Variants in PTPRD observed in about 807,000 individuals in gnomAD.
PTPRD encodes the protein protein tyrosine phosphatase receptor type D.
PTPRD carries 34 observed loss-of-function variants against 214.5 expected under a neutral mutation model. The observed-to-expected ratio is 0.16, with a 90% CI of 0.12 to 0.21. The LOEUF is 0.21. Among genes scored for constraint, PTPRD ranks in the 10% least tolerant of loss-of-function variants. The pLI is 1.00. For missense variants in PTPRD, 2,545 were observed against 2,398.7 expected, an observed-to-expected ratio of 1.06 and a Z score of -1.27; for synonymous variants, 1,128 against 845.7, an observed-to-expected ratio of 1.33 and a Z score of -5.79.
At chr9:9,878,079 G>A (rs937372857) in intron 5 of PTPRD, among the ~76,000 whole-genome samples, 2 of 151,426 alleles carry the variant, frequency 1.3e-5, no homozygotes, top group African/African-American at 4.9e-5. Context: ...ATCAGATAAA[G>A]GACCCTGCCA....
intron 9 of PTPRD, among the ~76,000 whole-genome samples, chr9:9,292,122 T>C (rs149941309): frequency 4.8e-4 from 73 of 151,338 alleles, no homozygotes; most frequent in African/African-American, 1.7e-3. Flanking sequence ...AAAAATATAG[T>C]GACATGGAAG....
At chr9:8,573,381 T>A (rs1298555416) in intron 14 of PTPRD, among the ~76,000 whole-genome samples, 1 of 151,962 alleles carries the variant, frequency 6.6e-6, no homozygotes, top group Admixed American at 6.6e-5. Flanking sequence ...TAATCTATAA[T>A]AGAACACTGC....
intron 45 of PTPRD, among the ~76,000 whole-genome samples, chr9:8,318,450 T>G (rs1823726390): frequency 6.6e-6 from 1 of 151,998 alleles, no homozygotes; most frequent in Non-Finnish European, 1.5e-5. Flanking sequence ...TTTAAAAAAT[T>G]ATGTTTGGAC....
At chr9:10,212,985 C>A (rs2099524070) in intron 3 of PTPRD, among the ~76,000 whole-genome samples, 1 of 152,100 alleles carries the variant, frequency 6.6e-6, no homozygotes, top group Admixed American at 6.6e-5. Context: ...CCTTAATCTA[C>A]CATTTTCTAA....
intron 9 of PTPRD, among the ~76,000 whole-genome samples, chr9:9,282,256 A>G (rs1427549975): frequency 1.3e-5 from 2 of 151,402 alleles, no homozygotes; most frequent in East Asian, 2.0e-4. Flanking sequence ...ATGTAGGCTC[A>G]TTGATGCTAC....
intron 3 of PTPRD, among the ~76,000 whole-genome samples, chr9:10,152,148 T>C (rs1487691003): frequency 6.6e-6 from 1 of 152,206 alleles, no homozygotes; most frequent in Non-Finnish European, 1.5e-5. Flanking sequence ...ATTTTTTGCA[T>C]TCCCACAAGC....
intron 8 of PTPRD, among the ~76,000 whole-genome samples, chr9:9,402,565 TA>T (rs2141420580): frequency 6.6e-6 from 1 of 152,200 alleles, no homozygotes; most frequent in Admixed American, 6.6e-5. Context: ...CTCAAATCCA[TA>T]GTTATAAAAC....
intron 11 of PTPRD, among the ~76,000 whole-genome samples, chr9:8,822,088 T>C (rs968328370): frequency 2.0e-5 from 3 of 152,168 alleles, no homozygotes; most frequent in African/African-American, 4.8e-5. Flanking sequence ...ACATTTTTAG[T>C]GGTTTTGGTT....
chr9:9,310,423 T>A (rs559067452), intron 9 of PTPRD, among the ~76,000 whole-genome samples: 1 of 152,224 alleles, frequency 6.6e-6, no homozygotes, highest in South Asian at 2.1e-4. Context: ...ACCCATTCTC[T>A]CTTCACTGGC....
At chr9:8,690,725 A>T (rs2097785292) in intron 12 of PTPRD, among the ~76,000 whole-genome samples, 1 of 152,150 alleles carries the variant, frequency 6.6e-6, no homozygotes. Context: ...GAAAAGACAT[A>T]AAAAATATTA....
At chr9:9,659,986 T>A (rs997765417) in intron 7 of PTPRD, among the ~76,000 whole-genome samples, 1 of 152,200 alleles carries the variant, frequency 6.6e-6, no homozygotes, top group Middle Eastern at 3.4e-3. Flanking sequence ...TAAATGAATT[T>A]CCCTTGTATA....
intron 2 of PTPRD, among the ~76,000 whole-genome samples, chr9:10,499,183 C>G (rs1403494003): frequency 2.6e-5 from 4 of 151,922 alleles, no homozygotes; most frequent in Non-Finnish European, 4.4e-5. Context: ...CCAGCTACCA[C>G]TAGATTTATC....
chr9:8,892,283 C>T (rs939549970), intron 11 of PTPRD, among the ~76,000 whole-genome samples: 8 of 152,038 alleles, frequency 5.3e-5, no homozygotes, highest in African/African-American at 7.2e-5. Context: ...CCATTTGTGC[C>T]GATGGATATG....
intron 11 of PTPRD, among the ~76,000 whole-genome samples, chr9:8,938,229 A>G (rs1290900716): frequency 6.6e-6 from 1 of 151,894 alleles, no homozygotes; most frequent in East Asian, 1.9e-4. Flanking sequence ...GGAGTTGGCA[A>G]TTGATTGGAT....
Position 8,321,520 on chromosome 9 carries a change from TATATATAA to T in PTPRD, c.5535-1562_5535-1555del, listed in dbSNP as rs1240915599. On this transcript the variant is annotated intron_variant, in intron 44 of 45. Transcript: ENST00000381196. Reference sequence around the variant, plus strand: ...ATATATATATATATATATATATATATATATATAAAAGGTATATGCATCGCAATTCCTTT... The same window carrying T: ...ATATATATATATATATATATATATATAAGGTATATGCATCGCAATTCCTTT... Among the ~76,000 whole-genome samples the T allele has an allele frequency of 6.2e-4, 82 of 132,102 alleles. 1 individual carries two copies. The highest frequency in any genetic ancestry group is 2.0e-3 in the Admixed American group (26 of 13,206). 86.7% of individuals were successfully genotyped at this position (132,102 alleles called of 152,430 possible).
intron 14 of PTPRD, among the ~76,000 whole-genome samples, chr9:8,568,932 A>G (rs1266925712): frequency 1.3e-5 from 2 of 152,132 alleles, no homozygotes; most frequent in East Asian, 1.9e-4. Flanking sequence ...AATGCTTCAT[A>G]TGCAGCAATA....
chr9:9,646,111 T>G (rs1313912637), intron 7 of PTPRD, among the ~76,000 whole-genome samples: 3 of 152,226 alleles, frequency 2.0e-5, no homozygotes, highest in African/African-American at 7.2e-5. Flanking sequence ...GCTTTCCATC[T>G]AAGACAGTCC....
chr9:9,002,517 A>T (rs2099428335), intron 11 of PTPRD, among the ~76,000 whole-genome samples: 2 of 152,064 alleles, frequency 1.3e-5, no homozygotes, highest in African/African-American at 4.8e-5. Flanking sequence ...ATAATTAATT[A>T]TGTGCCTATA....
At chr9:10,393,755 T>C (rs1475621057) in intron 2 of PTPRD, among the ~76,000 whole-genome samples, 1 of 147,236 alleles carries the variant, frequency 6.8e-6, no homozygotes, top group African/African-American at 2.5e-5. Context: ...AATATTTAAA[T>C]AAATCTTATC....
Sources: allele counts gnomAD v4.1 joint callset (sites outside exome capture counted in the v4.1 genomes callset), GRCh38; gene constraint gnomAD v4.1.1; transcripts MANE v1.5; gene names NCBI Gene and HGNC (gene_info 2026-07-23, HGNC 2026-07-21).